The following BMPR1B variants were observed in gnomAD, a reference collection of about 807,000 sequenced individuals.
The protein encoded by BMPR1B is bone morphogenetic protein receptor type-1B.
Under a neutral mutation model 59.1 loss-of-function variants are expected in BMPR1B, and 12 were observed. The ratio of observed to expected loss-of-function variants is 0.20; its 90% confidence interval spans 0.13 to 0.33. The LOEUF is 0.33. Ranked by LOEUF, BMPR1B falls within the 10% of genes least tolerant of loss-of-function variation. The pLI, the probability that BMPR1B is intolerant of heterozygous loss-of-function variation, is 1.00. For synonymous variants in BMPR1B, 237 were observed against 207.3 expected (o/e 1.14, Z -1.23); for missense variants, 550 against 610.9 (o/e 0.90, Z 1.05).
At chr4:95,036,193 T>A (rs1330229523) in intron 3 of BMPR1B, among the ~76,000 whole-genome samples, 1 of 152,114 alleles carries the variant, frequency 6.6e-6, no homozygotes, top group African/African-American at 2.4e-5. Flanking sequence ...TCAGGGCAAA[T>A]GGGGTATCCA....
intron 1 of BMPR1B, among the ~76,000 whole-genome samples, chr4:94,818,677 C>G (rs1391166216): frequency 6.6e-6 from 1 of 152,184 alleles, no homozygotes; most frequent in Non-Finnish European, 1.5e-5. Context: ...AAATATTCTA[C>G]TATGAAGCGA....
intron 8 of BMPR1B, among the ~76,000 whole-genome samples, chr4:95,126,312 C>G (rs533051376): frequency 8.6e-4 from 131 of 152,236 alleles, no homozygotes; most frequent in African/African-American, 3.0e-3. Context: ...AAGCTTTCAG[C>G]TCCTACTTTT....
chr4:94,871,144 T>A (rs953468161), intron 1 of BMPR1B, among the ~76,000 whole-genome samples: 1 of 152,212 alleles, frequency 6.6e-6, no homozygotes, highest in Non-Finnish European at 1.5e-5. Context: ...TTGCCCGATG[T>A]CACACAGCCA....
chr4:95,033,316 T>C (rs559584960), intron 3 of BMPR1B, among the ~76,000 whole-genome samples: 3 of 149,698 alleles, frequency 2.0e-5, no homozygotes, highest in African/African-American at 4.9e-5. Context: ...TTTTTTTTTT[T>C]CCTGTTGTTA....
At chr4:94,975,399 C>T (rs112468835) in intron 2 of BMPR1B, among the ~76,000 whole-genome samples, 21 of 135,760 alleles carry the variant, frequency 1.5e-4, no homozygotes, top group South Asian at 4.8e-4. Flanking sequence ...GGTCTCATCC[C>T]GTCACCCAGG....
chr4:94,834,942 GTT>G (rs750650049), intron 1 of BMPR1B, among the ~76,000 whole-genome samples: 3 of 137,002 alleles, frequency 2.2e-5, no homozygotes, highest in Admixed American at 1.5e-4. Flanking sequence ...GTGTTTCTTT[GTT>G]TTTTTTTTTT....
At chr4:94,761,039 T>G (rs1353932677) in intron 1 of BMPR1B, among the ~76,000 whole-genome samples, 1 of 152,192 alleles carries the variant, frequency 6.6e-6, no homozygotes, top group Non-Finnish European at 1.5e-5. Flanking sequence ...GAGGCTAGGA[T>G]GGCTATGGAA....
chr4:94,785,475 G>A (rs1385319238), intron 1 of BMPR1B, among the ~76,000 whole-genome samples: 2 of 152,138 alleles, frequency 1.3e-5, no homozygotes, highest in Non-Finnish European at 2.9e-5. Context: ...TTTTGCATAA[G>A]ATATGGGTGA....
At chr4:94,762,726 C>T (rs567857671) in intron 1 of BMPR1B, among the ~76,000 whole-genome samples, 1 of 152,200 alleles carries the variant, frequency 6.6e-6, no homozygotes, top group East Asian at 1.9e-4. Context: ...CTGAATAAGG[C>T]CATGTGGGTG....
At chr4:94,822,974 G>A (rs1033619484) in intron 1 of BMPR1B, among the ~76,000 whole-genome samples, 1 of 152,088 alleles carries the variant, frequency 6.6e-6, no homozygotes, top group African/African-American at 2.4e-5. Flanking sequence ...CTTAGATATT[G>A]TTATATTTTT....
chr4:95,057,549 G>A (rs144929058), intron 3 of BMPR1B, among the ~76,000 whole-genome samples: 1 of 152,118 alleles, frequency 6.6e-6, no homozygotes, highest in East Asian at 2.0e-4. Flanking sequence ...GGGAGAATTT[G>A]ATTGGCTGCG....
chr4:95,137,465 C>G (rs532714237), intron 10 of BMPR1B, among the ~76,000 whole-genome samples: 260 of 152,056 alleles, frequency 1.7e-3, no homozygotes, highest in African/African-American at 5.6e-3. Flanking sequence ...GGATATCCTT[C>G]TTAACTTTCT....
At chr4:94,778,597 G>T (rs1008631758) in intron 1 of BMPR1B, among the ~76,000 whole-genome samples, 1 of 152,096 alleles carries the variant, frequency 6.6e-6, no homozygotes, top group African/African-American at 2.4e-5. Context: ...GTATAAGACG[G>T]TGCTATATTG....
intron 2 of BMPR1B, among the ~76,000 whole-genome samples, chr4:94,989,396 A>C (rs999959469): frequency 2.6e-5 from 4 of 151,728 alleles, no homozygotes; most frequent in African/African-American, 9.7e-5. Flanking sequence ...TAAAAAAAAA[A>C]AAAAAAACAA....
chr4:94,822,444 A>ATT (rs763867697), intron 1 of BMPR1B, among the ~76,000 whole-genome samples: 20 of 152,210 alleles, frequency 1.3e-4, no homozygotes, highest in Admixed American at 7.2e-4. Context: ...GGTTGGGTAG[A>ATT]TGGGTAAATT....
chr4:94,883,572 T>C (rs181451179), intron 2 of BMPR1B, among the ~76,000 whole-genome samples: 11 of 152,030 alleles, frequency 7.2e-5, no homozygotes, highest in African/African-American at 2.2e-4. Context: ...ATTTGTTTTT[T>C]ATCTAAAGAG....
rs188817924 is a variant in BMPR1B at position 94,840,794 on chromosome 4, C to T, written c.-182-35037C>T. Among the ~76,000 whole-genome samples, 21 of 148,856 alleles carry T rather than the reference C, an allele frequency of 1.4e-4. 3 individuals are homozygous for T. The highest frequency in any genetic ancestry group is 4.7e-4 in the Admixed American group (7 of 15,000). On this transcript the variant is annotated intron_variant, in intron 1 of 12. Transcript: ENST00000515059. ...AGTCGTTCTCCGTCCAGCTTTGTTC[C>T]GTTGCTGGTGAGGAACTGCGTTCCT...
intron 3 of BMPR1B, among the ~76,000 whole-genome samples, chr4:95,014,970 C>T (rs1179434932): frequency 1.3e-5 from 2 of 152,132 alleles, no homozygotes; most frequent in Non-Finnish European, 2.9e-5. Context: ...AAGAGGCAGC[C>T]GGAGCAGTGG....
intron 1 of BMPR1B, among the ~76,000 whole-genome samples, chr4:94,808,125 A>C (rs114745051): frequency 0.016 from 2,432 of 152,286 alleles, 26 homozygotes; most frequent in Middle Eastern, 0.048. Flanking sequence ...TTAAATGGAT[A>C]CCAGATTTGT....
Sources: allele counts gnomAD v4.1 joint callset (sites outside exome capture counted in the v4.1 genomes callset), GRCh38; gene constraint gnomAD v4.1.1; transcripts MANE v1.5; gene names NCBI Gene and HGNC (gene_info 2026-07-23, HGNC 2026-07-21).